The following GLB1 variants were observed in gnomAD, a reference collection of about 807,000 sequenced individuals.
The protein encoded by GLB1 is galactosidase beta 1, also known as beta-galactosidase.
A neutral mutation model predicts 74.0 loss-of-function variants in GLB1; 56 were observed. That is an observed-to-expected ratio of 0.76 (90% confidence interval 0.61 to 0.94). GLB1 has a LOEUF of 0.94. Ranked by LOEUF, GLB1 falls within the 40% of genes least tolerant of loss-of-function variation. The pLI is 0.00. For missense variants in GLB1, 787 were observed against 845.5 expected (o/e 0.93, Z 0.86); for synonymous variants, 323 against 323.6 (o/e 1.00, Z 0.02).
At chr3:33,085,339 C>T (rs1477315400) in intron 1 of GLB1, among the ~76,000 whole-genome samples, 1 of 149,922 alleles carries the variant, frequency 6.7e-6, no homozygotes, top group Non-Finnish European at 1.5e-5. Context: ...AATTAAGAAC[C>T]CCATAATCAG....
rs893134596 is a variant in GLB1, at chr3:33,021,653, T to C, written c.1146A>G (p.Leu382=). 5 of 1,613,630 alleles carry C rather than the reference T, an allele frequency of 3.1e-6. No individual in the cohort carries two copies. The highest frequency in any genetic ancestry group is 4.2e-6 in the Non-Finnish European group (5 of 1,179,834). Residue 382 remains leucine (L), a splice_region_variant and synonymous_variant, in exon 12 of 16, where the codon TTA becomes TTG. Coordinates refer to ENST00000307363, the MANE Select transcript of GLB1 (RefSeq NM_000404.4). ...FAYGKVTLEK[L]KTVGAALDIL... Reference sequence around the variant, plus strand: ...TGTCCAGAGCTGCTCCCACTGTCTTTAACTGAAAAGAAACAAAAGCAGCAT... The same window carrying C: ...TGTCCAGAGCTGCTCCCACTGTCTTCAACTGAAAAGAAACAAAAGCAGCAT...
chr3:33,062,772 AG>A (rs1249148867), intron 5 of GLB1, among the ~76,000 whole-genome samples: 2 of 151,996 alleles, frequency 1.3e-5, no homozygotes, highest in East Asian at 3.9e-4. Context: ...GGTGACAGAG[AG>A]AGACTCTGTC....
chr3:32,976,513 C>T, the GLB1 span, among the ~76,000 whole-genome samples: 24 of 152,178 alleles, frequency 1.6e-4, no homozygotes, highest in African/African-American at 4.6e-4. Context: ...AACGTGGCCC[C>T]GAAGCCTTAT....
chr3:33,058,967 G>A (rs915440948), intron 5 of GLB1, among the ~76,000 whole-genome samples: 8 of 150,432 alleles, frequency 5.3e-5, no homozygotes, highest in African/African-American at 1.8e-4. Flanking sequence ...GCCCCACAGG[G>A]GACATGTGGC....
intron 15 of GLB1, among the ~76,000 whole-genome samples, chr3:33,006,076 G>A (rs916931900): frequency 6.6e-6 from 1 of 152,168 alleles, no homozygotes; most frequent in Non-Finnish European, 1.5e-5. Flanking sequence ...ATATTGACAG[G>A]AGACTTATCC....
rs763651916 is a variant in GLB1, at chr3:33,014,254, A to G, written c.1536T>C (p.Phe512=). The part of the protein sequence containing the change: ...SSNILTDWTI[F]PLDTEDAVCS... ...ACACTGCATCCTCAGTGTCCAGTGGAAAGATCGTCCAGTCCGTGAGGATAT... is the reference window on the plus strand; with the variant it reads ...ACACTGCATCCTCAGTGTCCAGTGGGAAGATCGTCCAGTCCGTGAGGATAT... Residue 512 remains phenylalanine, a synonymous_variant, in exon 15 of 16, where the codon TTT becomes TTC. Coordinates refer to ENST00000307363, the MANE Select transcript of GLB1 (RefSeq NM_000404.4). 142 of 1,614,068 alleles carry G rather than the reference A, an allele frequency of 8.8e-5. No individual in the cohort carries two copies. Among genetic ancestry groups the G allele is most frequent in the Non-Finnish European group, 1.1e-4 (127 of 1,180,034 alleles).
At chr3:33,026,613 G>A (rs1697770872) in intron 10 of GLB1, among the ~76,000 whole-genome samples, 1 of 152,116 alleles carries the variant, frequency 6.6e-6, no homozygotes, top group Admixed American at 6.5e-5. Context: ...GCTTTTCCCT[G>A]GGCCTGCCAA....
chr3:33,026,186 C>G (rs1479656449), intron 10 of GLB1, among the ~76,000 whole-genome samples: 1 of 152,172 alleles, frequency 6.6e-6, no homozygotes, highest in East Asian at 1.9e-4. Flanking sequence ...AGGTCCCCCT[C>G]CCCCAAAAGG....
At chr3:33,040,590 G>GAC (rs58665195) in intron 10 of GLB1, among the ~76,000 whole-genome samples, 141,756 of 152,154 alleles carry the variant, frequency 0.93, 66,849 homozygotes, top group East Asian at 1. Flanking sequence ...CAGCCTGGGC[G>GAC]AGAGTGAAAC....
intron 10 of GLB1, chr3:33,045,450 T>G: frequency 2.0e-6 from 2 of 985,420 alleles, no homozygotes; most frequent in Non-Finnish European, 2.4e-6. Context: ...CTGGTGTTCC[T>G]CATTCTGAAA....
intron 6 of GLB1, among the ~76,000 whole-genome samples, chr3:33,055,460 CTTT>C (rs55687940): frequency 1.5e-4 from 15 of 102,242 alleles, no homozygotes; most frequent in Admixed American, 2.1e-4. Flanking sequence ...GTTTTCTTTT[CTTT>C]TTTTTTTTTT....
chr3:32,993,818 T>C (rs1266852052), downstream of GLB1, among the ~76,000 whole-genome samples: 1 of 151,866 alleles, frequency 6.6e-6, no homozygotes, highest in Admixed American at 6.6e-5. Context: ...CAGGTGTGAG[T>C]CACCGCACCT....
intron 15 of GLB1, among the ~76,000 whole-genome samples, chr3:33,009,344 A>C (rs138425471): frequency 0.044 from 6,725 of 151,782 alleles, 203 homozygotes; most frequent in African/African-American, 0.073. Flanking sequence ...CAACACGGTG[A>C]AACCCCATCT....
chr3:33,080,917 C>A (rs1002611600), intron 1 of GLB1, among the ~76,000 whole-genome samples: 1 of 152,148 alleles, frequency 6.6e-6, no homozygotes, highest in Non-Finnish European at 1.5e-5. Flanking sequence ...TAGCAAGAAC[C>A]TTATAGCTGG....
At chr3:32,973,014 A>G in the GLB1 span, among the ~76,000 whole-genome samples, 2,172 of 152,306 alleles carry the variant, frequency 0.014, 49 homozygotes, top group African/African-American at 0.048. Context: ...GATGTAATGC[A>G]TGTCTCAATT....
chr3:33,057,441 T>C (rs1699265473), intron 6 of GLB1, among the ~76,000 whole-genome samples: 1 of 152,222 alleles, frequency 6.6e-6, no homozygotes, highest in Non-Finnish European at 1.5e-5. Context: ...TCTCTCTTAA[T>C]ATTACTTATG....
In GLB1 at chr3:33,034,210, C is replaced by T. The variant is rs991498604; in HGVS notation, c.1069-9885G>A. 2.8e-5 allele frequency: 18 copies of T among 639,368 alleles called. No individual in the cohort carries two copies. The African/African-American group carries it at 3.3e-4, about 12-fold the overall frequency. 39.6% of individuals were successfully genotyped at this position (639,368 alleles called of 1,614,324 possible). A position where few individuals can be genotyped will look rare whatever the true frequency, so the allele number is the denominator to read the frequency against. ...CTGTATGCTAGGTCCCCCATGACTA[C>T]GGCCTGATCCTGGCCTGTAGGAGCT... On this transcript the variant is annotated intron_variant, in intron 10 of 15. Transcript: ENST00000307363.
At chr3:33,016,206 T>C (rs1351605051) in intron 14 of GLB1, among the ~76,000 whole-genome samples, 1 of 152,132 alleles carries the variant, frequency 6.6e-6, no homozygotes, top group African/African-American at 2.4e-5. Context: ...AGCTTGGTGG[T>C]CTTTTAAAGC....
the GLB1 span, among the ~76,000 whole-genome samples, chr3:32,978,700 A>G: frequency 6.6e-6 from 1 of 152,122 alleles, no homozygotes; most frequent in South Asian, 2.1e-4. Context: ...AGAAGAGGGA[A>G]GAAAGAAGTA....
Sources: gnomAD v4.1 joint callset for allele counts (sites outside exome capture counted in the v4.1 genomes callset) on GRCh38, gnomAD v4.1.1 for gene constraint, MANE v1.5 for transcripts, NCBI Gene and HGNC (gene_info 2026-07-23, HGNC 2026-07-21) for gene names.